The following L3MBTL4 variants were observed in gnomAD, a reference collection of about 807,000 sequenced individuals.
The protein encoded by L3MBTL4 is L3MBTL histone methyl-lysine binding protein 4.
Under a neutral mutation model 84.5 loss-of-function variants are expected in L3MBTL4, and 70 were observed. The ratio of observed to expected loss-of-function variants is 0.83; its 90% CI spans 0.68 to 1.01. The LOEUF (loss-of-function observed/expected upper bound fraction) is 1.01, where lower values mean the gene tolerates loss of function less well. Ranked by LOEUF, L3MBTL4 falls within the 50% of genes least tolerant of loss-of-function variation. The pLI, the probability that L3MBTL4 is intolerant of heterozygous loss-of-function variation, is 0.00. For missense variants in L3MBTL4, 715 were observed against 754.8 expected, an observed-to-expected ratio of 0.95 and a Z score of 0.62; for synonymous variants, 274 against 259.8, an observed-to-expected ratio of 1.05 and a Z score of -0.52.
At chr18:6,287,731 C>T (rs2049663125) in intron 4 of L3MBTL4, among the ~76,000 whole-genome samples, 1 of 152,190 alleles carries the variant, frequency 6.6e-6, no homozygotes, top group Non-Finnish European at 1.5e-5. Context: ...ATCATTTAGT[C>T]ACATTTCACA....
chr18:6,115,741 T>C (rs8084067), intron 14 of L3MBTL4, among the ~76,000 whole-genome samples: 58,269 of 152,072 alleles, frequency 0.38, 13,387 homozygotes, highest in African/African-American at 0.63. Context: ...TCATCCTTCA[T>C]GTGCATTAGA....
chr18:6,237,039 A>C (rs181540308), intron 10 of L3MBTL4, among the ~76,000 whole-genome samples: 135 of 152,014 alleles, frequency 8.9e-4, no homozygotes, highest in African/African-American at 3.2e-3. Flanking sequence ...AAAAATACTA[A>C]GATTATACAG....
chr18:6,113,700 A>C (rs527722760), intron 14 of L3MBTL4, among the ~76,000 whole-genome samples: 1 of 152,182 alleles, frequency 6.6e-6, no homozygotes, highest in Admixed American at 6.5e-5. Flanking sequence ...ACCTTCCTCT[A>C]CTCCACTCCT....
At chr18:6,091,398 G>A (rs186288511) in intron 15 of L3MBTL4, among the ~76,000 whole-genome samples, 1 of 152,320 alleles carries the variant, frequency 6.6e-6, no homozygotes, top group Admixed American at 6.5e-5. Flanking sequence ...CTTTGGTCTT[G>A]AGATGTAAAA....
chr18:6,402,898 G>GT (rs2055570715), intron 1 of L3MBTL4, among the ~76,000 whole-genome samples: 1 of 152,102 alleles, frequency 6.6e-6, no homozygotes, highest in Admixed American at 6.6e-5. Context: ...CAAACCCTCT[G>GT]TCTTTCATCA....
chr18:6,002,303 T>C (rs1012769382), intron 16 of L3MBTL4, among the ~76,000 whole-genome samples: 5 of 151,728 alleles, frequency 3.3e-5, no homozygotes, highest in Non-Finnish European at 1.5e-5. Flanking sequence ...CTAAAGGGAG[T>C]CCTTCAAGTT....
intron 14 of L3MBTL4, among the ~76,000 whole-genome samples, chr18:6,117,589 CTGAAT>C (rs1463198288): frequency 6.6e-6 from 1 of 152,166 alleles, no homozygotes; most frequent in Non-Finnish European, 1.5e-5. Flanking sequence ...AGTTCAAATG[CTGAAT>C]CTGCTACTTA....
At chr18:6,388,283 T>G (rs1335094197) in intron 1 of L3MBTL4, among the ~76,000 whole-genome samples, 1 of 152,142 alleles carries the variant, frequency 6.6e-6, no homozygotes, top group East Asian at 1.9e-4. Flanking sequence ...CTGGCATTAT[T>G]TGAGAAGAAA....
At position 6,358,140 on chromosome 18, in the gene L3MBTL4, C is replaced by T. The variant is rs184446574; in HGVS notation, c.-90-46084G>A. 7.2e-5 allele frequency among the ~76,000 whole-genome samples: 11 copies of T among 152,330 alleles called. No homozygotes were observed. The East Asian group carries it at 1.9e-3, about 27-fold the overall frequency. Reference sequence around the variant, plus strand: ...GCTTCACTATGCTGGGAGTTAACAACCTCATTTGTAAAATCAGTGGATGAG... The same window carrying T: ...GCTTCACTATGCTGGGAGTTAACAATCTCATTTGTAAAATCAGTGGATGAG... On this transcript the variant is annotated intron_variant, in intron 1 of 18. Coordinates refer to ENST00000317931, the MANE Select transcript of L3MBTL4 (RefSeq NM_001330559.2).
intron 14 of L3MBTL4, among the ~76,000 whole-genome samples, chr18:6,110,136 G>A (rs1366932936): frequency 6.6e-6 from 1 of 152,220 alleles, no homozygotes; most frequent in Non-Finnish European, 1.5e-5. Flanking sequence ...CAGGCTGGGA[G>A]TGTCTCTGCT....
intron 16 of L3MBTL4, among the ~76,000 whole-genome samples, chr18:6,056,472 T>A (rs533434607): frequency 6.6e-6 from 1 of 152,304 alleles, no homozygotes; most frequent in East Asian, 1.9e-4. Flanking sequence ...CTACTTCCAA[T>A]GAATTTATGG....
intron 1 of L3MBTL4, among the ~76,000 whole-genome samples, chr18:6,331,025 C>A (rs1250600634): frequency 6.6e-6 from 1 of 152,060 alleles, no homozygotes; most frequent in Non-Finnish European, 1.5e-5. Flanking sequence ...TAGGAAAATA[C>A]AGCAAAATTA....
At chr18:6,368,241 C>T (rs1025844300) in intron 1 of L3MBTL4, among the ~76,000 whole-genome samples, 2 of 151,738 alleles carry the variant, frequency 1.3e-5, no homozygotes, top group East Asian at 2.0e-4. Context: ...GTGAGGCGGC[C>T]GTCGGTGCTT....
At chr18:6,192,148 C>A (rs1175204818) in intron 12 of L3MBTL4, among the ~76,000 whole-genome samples, 1 of 152,090 alleles carries the variant, frequency 6.6e-6, no homozygotes, top group Non-Finnish European at 1.5e-5. Context: ...CTGGAAGCCA[C>A]GTGAAGAAAC....
intron 13 of L3MBTL4, among the ~76,000 whole-genome samples, chr18:6,140,027 A>G (rs985220373): frequency 1.4e-4 from 22 of 152,110 alleles, no homozygotes; most frequent in Non-Finnish European, 7.4e-5. Flanking sequence ...CACTTCCTCG[A>G]GCTAGTGGCC....
At chr18:6,280,623 C>T (rs1388737885) in intron 4 of L3MBTL4, among the ~76,000 whole-genome samples, 1 of 152,168 alleles carries the variant, frequency 6.6e-6, no homozygotes, top group Non-Finnish European at 1.5e-5. Flanking sequence ...TCCTTAGAAA[C>T]TGTGAATTCA....
At chr18:6,102,942 C>T (rs757410729) in intron 14 of L3MBTL4, among the ~76,000 whole-genome samples, 1 of 152,046 alleles carries the variant, frequency 6.6e-6, no homozygotes, top group Admixed American at 6.5e-5. Context: ...AAAGAGAGAG[C>T]GAGAGTGTGT....
At chr18:6,288,079 T>A (rs1017722808) in intron 4 of L3MBTL4, among the ~76,000 whole-genome samples, 2 of 152,180 alleles carry the variant, frequency 1.3e-5, no homozygotes, top group African/African-American at 4.8e-5. Context: ...TTTGACCCTA[T>A]CCCATTTTGT....
intron 16 of L3MBTL4, among the ~76,000 whole-genome samples, chr18:5,992,382 C>A (rs2053745264): frequency 6.6e-6 from 1 of 152,204 alleles, no homozygotes; most frequent in Non-Finnish European, 1.5e-5. Context: ...AGTGCCCCCA[C>A]ACTATCATAT....
Sources: gnomAD v4.1 joint callset for allele counts (sites outside exome capture counted in the v4.1 genomes callset) on GRCh38, gnomAD v4.1.1 for gene constraint, MANE v1.5 for transcripts, NCBI Gene and HGNC (gene_info 2026-07-23, HGNC 2026-07-21) for gene names.